MYLK3: variants seen among roughly 807,000 people sequenced by gnomAD.
MYLK3 encodes myosin light chain kinase 3.
MYLK3 carries 55 observed loss-of-function variants against 76.3 expected under a neutral mutation model. The observed-to-expected ratio is 0.72, with a 90% CI of 0.58 to 0.90. The LOEUF is 0.90. Among genes scored for constraint, MYLK3 ranks in the 40% least tolerant of loss-of-function variants. The pLI is 0.00. For synonymous variants in MYLK3, 416 were observed against 425.4 expected, an observed-to-expected ratio of 0.98 and a Z score of 0.27; for missense variants, 973 against 1,053.6, an observed-to-expected ratio of 0.92 and a Z score of 1.06.
chr16:46,727,786 C>T (rs975168903), intron 7 of MYLK3, among the ~76,000 whole-genome samples: 3 of 152,230 alleles, frequency 2.0e-5, no homozygotes, highest in Non-Finnish European at 4.4e-5. Flanking sequence ...CTCGGCCTCC[C>T]GAAGTGCTGA....
At chr16:46,729,225 T>G in intron 6 of MYLK3, 92 bp from the exon 7 acceptor site, 2 of 971,292 alleles carry the variant, frequency 2.1e-6, no homozygotes, top group Non-Finnish European at 3.3e-6. Context: ...GAACTCCTCA[T>G]TCTTCCTTAG....
intron 3 of MYLK3, 93 bp from the exon 4 acceptor site, chr16:46,732,761 G>A: frequency 9.5e-7 from 1 of 1,052,608 alleles, no homozygotes; most frequent in Non-Finnish European, 1.3e-6. Context: ...TGCCATCATT[G>A]ACAATGGCCC....
upstream of MYLK3, among the ~76,000 whole-genome samples, chr16:46,748,905 A>C (rs1360907722): frequency 6.6e-6 from 1 of 152,146 alleles, no homozygotes; most frequent in African/African-American, 2.4e-5. This position sits in a 1 kb window ranked among gnomAD's most constrained non-coding sequence, Gnocchi z 4.3. Flanking sequence ...CTAAAAATAG[A>C]ACTGAGGGCA....
intron 1 of MYLK3, among the ~76,000 whole-genome samples, chr16:46,741,615 C>A (rs1035397030): frequency 6.6e-6 from 1 of 152,156 alleles, no homozygotes; most frequent in South Asian, 2.1e-4. Context: ...CACCAGTCTC[C>A]GGGCTTCTGT....
intron 1 of MYLK3, among the ~76,000 whole-genome samples, chr16:46,743,290 A>G (rs1327083382): frequency 6.6e-6 from 1 of 152,228 alleles, no homozygotes; most frequent in Non-Finnish European, 1.5e-5. Flanking sequence ...TTTAACCGCC[A>G]GTTGCTAGGA....
rs1596743035 is a variant in MYLK3 at position 46,707,620 on chromosome 16, A to G, written c.*84T>C. 2.2e-5 allele frequency: 21 copies of G among 960,836 alleles called. No individual in the cohort carries two copies. The highest frequency in any genetic ancestry group is 3.3e-5 in the Non-Finnish European group (21 of 629,070). 59.5% of individuals were successfully genotyped at this position (960,836 alleles called of 1,614,324 possible). A position where few individuals can be genotyped will look rare whatever the true frequency, so the allele number is the denominator to read the frequency against. ...TGGAATCAATAATACCAAAAAGCCA[A>G]ATTATTTAAATGTTTGAGTCATCTC... On this transcript the variant is annotated 3_prime_UTR_variant, in exon 13 of 13. Transcript: ENST00000394809.
rs1316393679 is a variant in MYLK3, at chr16:46,747,931, G to T, written c.263C>A (p.Ala88Asp). The T allele has an allele frequency of 3.4e-5, 55 of 1,613,440 alleles. No individual in the cohort carries two copies. The highest frequency in any genetic ancestry group is 4.5e-5 in the Non-Finnish European group (53 of 1,179,870). The change falls in exon 1 of 13, where the codon GCT (alanine) becomes GAT (aspartate). Residue 88 changes from alanine (A) to aspartate (D), a missense_variant. Around this residue, in one of 2 missense-constraint regions of MYLK3, gnomAD observed 641 missense variants for 637.0 expected, o/e 1.01. Transcript: ENST00000394809. ...ADGVPHIDTQ[A>D]GWPEVLELVR... The stretch of plus-strand genomic sequence containing the variant: ...CAGCTCCAGGACCTCGGGCCACCCA[G>T]CCTGGGTGTCAATGTGGGGAACCCC...
At chr16:46,745,684 T>G (rs1292617008) in intron 1 of MYLK3, among the ~76,000 whole-genome samples, 1 of 152,160 alleles carries the variant, frequency 6.6e-6, no homozygotes, top group Admixed American at 6.5e-5. Flanking sequence ...AGGTGGAGAT[T>G]GCAGTCAGTC....
At chr16:46,732,041 G>A (rs571321525) in intron 4 of MYLK3, among the ~76,000 whole-genome samples, 167 bp downstream of exon 4, 18 of 152,134 alleles carry the variant, frequency 1.2e-4, no homozygotes, top group South Asian at 4.2e-4. Flanking sequence ...ACATCTCTGC[G>A]CCTTGGTCTC....
At chr16:46,729,538 G>A in intron 6 of MYLK3, 56 bp downstream of exon 6, 1 of 1,507,074 alleles carries the variant, frequency 6.6e-7, no homozygotes, top group African/African-American at 1.4e-5. Context: ...GGCCCTGAGG[G>A]AAGGAAAGGA....
intron 9 of MYLK3, among the ~76,000 whole-genome samples, chr16:46,713,101 G>A (rs1340672756): frequency 1.3e-5 from 2 of 152,040 alleles, no homozygotes; most frequent in African/African-American, 2.4e-5. Flanking sequence ...TATTTAATGG[G>A]TATAGAATTT....
upstream of MYLK3, among the ~76,000 whole-genome samples, chr16:46,752,513 G>A (rs1238377252): frequency 6.6e-6 from 1 of 152,092 alleles, no homozygotes; most frequent in Non-Finnish European, 1.5e-5. Context: ...ACTTGCACAT[G>A]TATCACTGAA....
chr16:46,736,407 G>A (rs1966868560), intron 3 of MYLK3, among the ~76,000 whole-genome samples: 2 of 152,224 alleles, frequency 1.3e-5, no homozygotes, highest in South Asian at 4.1e-4. Flanking sequence ...GTGAGGAAGG[G>A]CAGGTAGTGA....
intron 3 of MYLK3, among the ~76,000 whole-genome samples, chr16:46,734,203 G>T (rs549988097): frequency 9.2e-5 from 14 of 152,290 alleles, no homozygotes; most frequent in African/African-American, 3.1e-4. Flanking sequence ...TGGTGTCTAC[G>T]CATTATATAG....
intron 1 of MYLK3, among the ~76,000 whole-genome samples, chr16:46,754,914 TGA>T (rs1967178020): frequency 6.6e-6 from 1 of 151,958 alleles, no homozygotes; most frequent in African/African-American, 2.4e-5. Flanking sequence ...TTTTTTTTTT[TGA>T]GACATGGTCT....
chr16:46,762,963 G>A (rs1473016400), intron 1 of MYLK3: 7 of 968,544 alleles, frequency 7.2e-6, no homozygotes, highest in African/African-American at 1.8e-5. Flanking sequence ...TTTTCTGGTG[G>A]GTCTACAAGT....
chr16:46,725,178 C>T (rs1966836755), intron 8 of MYLK3, among the ~76,000 whole-genome samples: 1 of 152,042 alleles, frequency 6.6e-6, no homozygotes, highest in Non-Finnish European at 1.5e-5. Flanking sequence ...TTTATTAATC[C>T]TAATAGTCTC....
chr16:46,727,050 T>A, intron 8 of MYLK3, 186 bp downstream of exon 8: 1 of 485,116 alleles, frequency 2.1e-6, no homozygotes, highest in Admixed American at 3.5e-5. Flanking sequence ...GGTACCATTA[T>A]CCAGATGGAA....
chr16:46,715,011 T>C (rs1452649076), intron 9 of MYLK3, among the ~76,000 whole-genome samples: 3 of 152,226 alleles, frequency 2.0e-5, no homozygotes, highest in African/African-American at 7.2e-5. Context: ...TATCATGACG[T>C]CACTGAACGA....
Sources: gnomAD v4.1 joint callset for allele counts (sites outside exome capture counted in the v4.1 genomes callset) on GRCh38, gnomAD v4.1.1 for gene constraint, gnomAD v4.1.1 regional missense constraint, Gnocchi (gnomAD v3.1) non-coding constraint, MANE v1.5 for transcripts, NCBI Gene and HGNC (gene_info 2026-07-23, HGNC 2026-07-21) for gene names.